DIAPH3: variants seen among roughly 807,000 people sequenced by gnomAD.
The protein encoded by DIAPH3 is diaphanous related formin 3.
In DIAPH3, 117 loss-of-function variants were observed where a neutral mutation model predicts 144.3. The observed-to-expected ratio is 0.81, with a 90% confidence interval of 0.70 to 0.95. DIAPH3 has a LOEUF of 0.95. DIAPH3 is among the 40% of genes least tolerant of loss of function. The pLI, the probability that DIAPH3 is intolerant of heterozygous loss-of-function variation, is 0.00. For missense variants in DIAPH3, 1,421 were observed against 1,412.7 expected (o/e 1.01, Z -0.09); for synonymous variants, 519 against 488.9 (o/e 1.06, Z -0.81).
intron 9 of DIAPH3, among the ~76,000 whole-genome samples, chr13:59,998,451 T>C (rs2052336186): frequency 6.6e-6 from 1 of 152,140 alleles, no homozygotes; most frequent in South Asian, 2.1e-4. Context: ...GCCCAGTACC[T>C]AGCAGTCACT....
At chr13:59,817,907 TCTCA>T (rs757804012) in intron 24 of DIAPH3, among the ~76,000 whole-genome samples, 2 of 151,980 alleles carry the variant, frequency 1.3e-5, no homozygotes, top group East Asian at 1.9e-4. Context: ...TCTAAATCTC[TCTCA>T]CTCAATTTAT....
chr13:59,852,460 A>C (rs545371437), intron 22 of DIAPH3, among the ~76,000 whole-genome samples: 3 of 152,220 alleles, frequency 2.0e-5, no homozygotes, highest in African/African-American at 7.2e-5. Flanking sequence ...GCTGGAGACC[A>C]GTTGTTTTCA....
At chr13:59,769,204 T>G (rs2038000059) in intron 27 of DIAPH3, among the ~76,000 whole-genome samples, 1 of 152,064 alleles carries the variant, frequency 6.6e-6, no homozygotes, top group African/African-American at 2.4e-5. Context: ...GAGAAGTCCC[T>G]AGGAGAGTAG....
intron 5 of DIAPH3, among the ~76,000 whole-genome samples, chr13:60,042,314 A>G (rs2055734391): frequency 6.6e-6 from 1 of 152,214 alleles, no homozygotes; most frequent in Non-Finnish European, 1.5e-5. Context: ...AACAACAGAA[A>G]AAATTAATTA....
intron 22 of DIAPH3, among the ~76,000 whole-genome samples, chr13:59,859,785 G>A (rs2043473589): frequency 6.6e-6 from 1 of 152,092 alleles, no homozygotes; most frequent in Admixed American, 6.5e-5. Context: ...GATTCTGAAT[G>A]TTTACAACCC....
intron 4 of DIAPH3, among the ~76,000 whole-genome samples, chr13:60,092,609 C>T (rs994323243): frequency 1.3e-5 from 2 of 152,080 alleles, no homozygotes; most frequent in African/African-American, 2.4e-5. Context: ...CGAGATGGCG[C>T]CACTGCACCC....
intron 22 of DIAPH3, among the ~76,000 whole-genome samples, chr13:59,847,509 A>C (rs991211355): frequency 6.6e-6 from 1 of 152,228 alleles, no homozygotes; most frequent in Non-Finnish European, 1.5e-5. Context: ...TTAGTGGGAG[A>C]AGCCCATCTC....
chr13:59,866,649 T>C (rs2043942887), intron 21 of DIAPH3, among the ~76,000 whole-genome samples: 1 of 152,088 alleles, frequency 6.6e-6, no homozygotes, highest in Non-Finnish European at 1.5e-5. Flanking sequence ...CAACTCTTTA[T>C]ATATTTCTAA....
rs550579625 is a variant in DIAPH3 at position 60,089,133 on chromosome 13, C to G, written c.495+4495G>C. 3.3e-3 allele frequency among the ~76,000 whole-genome samples: 504 copies of G among 152,282 alleles called. 2 individuals carry two copies. The highest frequency in any genetic ancestry group is 0.011 in the African/African-American group (464 of 41,564). On this transcript the variant is annotated intron_variant, in intron 4 of 27. Coordinates refer to ENST00000400324, the MANE Select transcript of DIAPH3 (RefSeq NM_001042517.2). ...GAAACAGCTCACCTTTAACACAACT[C>G]AAGCACCTACAAGAAAATAAGCATT...
rs2046072106 is a variant in DIAPH3 at position 59,896,005 on chromosome 13, A to G, written c.2367+15730T>C. Among the ~76,000 whole-genome samples, 10 of 152,084 alleles carry G rather than the reference A, an allele frequency of 6.6e-5. No individual in the cohort carries two copies. The South Asian group carries it at 2.1e-3, about 32-fold the overall frequency. On this transcript the variant is annotated intron_variant, in intron 20 of 27. Transcript: ENST00000400324. Reference sequence around the variant, plus strand: ...CTTTGCATTCATTTACCTTTTTCCCACCTCCTGTGTGCATCTAATTCTTTG... The same window carrying G: ...CTTTGCATTCATTTACCTTTTTCCCGCCTCCTGTGTGCATCTAATTCTTTG...
chr13:59,917,210 A>C (rs926815746), intron 18 of DIAPH3, among the ~76,000 whole-genome samples: 1 of 152,184 alleles, frequency 6.6e-6, no homozygotes, highest in East Asian at 1.9e-4. Flanking sequence ...CCAACTGTGG[A>C]TCAAATTCAA....
At chr13:59,992,857 A>C (rs548429016) in intron 9 of DIAPH3, among the ~76,000 whole-genome samples, 15 of 151,792 alleles carry the variant, frequency 9.9e-5, no homozygotes, top group African/African-American at 2.7e-4. Context: ...AAAAAAAAAA[A>C]AAAAAACACT....
intron 1 of DIAPH3, among the ~76,000 whole-genome samples, chr13:60,142,467 G>GA (rs879649828): frequency 6.6e-6 from 1 of 152,096 alleles, no homozygotes; most frequent in Non-Finnish European, 1.5e-5. Context: ...CATGTCTAGA[G>GA]AAAAAACAGT....
chr13:59,815,932 G>A (rs2040747073), intron 24 of DIAPH3, among the ~76,000 whole-genome samples: 1 of 152,040 alleles, frequency 6.6e-6, no homozygotes, highest in Admixed American at 6.6e-5. Flanking sequence ...CTGACTAGGA[G>A]TTAGATTCTA....
chr13:59,890,898 T>C (rs2045748948), intron 20 of DIAPH3, among the ~76,000 whole-genome samples: 1 of 143,214 alleles, frequency 7.0e-6, no homozygotes, highest in Non-Finnish European at 1.6e-5. Flanking sequence ...CTACTCAACT[T>C]TATTAAAACT....
chr13:59,686,796 T>A (rs2033239413), intron 27 of DIAPH3, among the ~76,000 whole-genome samples: 2 of 152,016 alleles, frequency 1.3e-5, no homozygotes, highest in African/African-American at 2.4e-5. Flanking sequence ...TCATCACACA[T>A]CCTCAGGCAA....
intron 22 of DIAPH3, among the ~76,000 whole-genome samples, chr13:59,840,537 A>T (rs985028328): frequency 6.6e-6 from 1 of 152,178 alleles, no homozygotes; most frequent in Non-Finnish European, 1.5e-5. Flanking sequence ...GTGTAAGAAT[A>T]TGAAATGGTG....
intron 27 of DIAPH3, among the ~76,000 whole-genome samples, chr13:59,770,340 C>T (rs2038062029): frequency 6.6e-6 from 1 of 152,134 alleles, no homozygotes; most frequent in Non-Finnish European, 1.5e-5. Flanking sequence ...CTTATAAACA[C>T]TTACATGCCT....
chr13:59,867,983 T>G (rs1315287763), intron 21 of DIAPH3, among the ~76,000 whole-genome samples: 1 of 152,064 alleles, frequency 6.6e-6, no homozygotes, highest in Non-Finnish European at 1.5e-5. Context: ...CTTCAGCAAC[T>G]ATATCAGCAC....
Sources: gnomAD v4.1 joint callset for allele counts (sites outside exome capture counted in the v4.1 genomes callset) on GRCh38, gnomAD v4.1.1 for gene constraint, MANE v1.5 for transcripts, NCBI Gene and HGNC (gene_info 2026-07-23, HGNC 2026-07-21) for gene names.